BCO2: variants seen among roughly 807,000 people sequenced by gnomAD.
BCO2 encodes the protein carotenoid-cleaving dioxygenase, mitochondrial.
Under a neutral mutation model 65.8 loss-of-function variants are expected in BCO2, and 56 were observed. That is an observed-to-expected ratio of 0.85 (90% CI 0.69 to 1.06). The LOEUF (loss-of-function observed/expected upper bound fraction) is 1.06. BCO2 is among the 50% of genes least tolerant of loss of function. The pLI, the probability that BCO2 is intolerant of heterozygous loss-of-function variation, is 0.00. For missense variants in BCO2, 675 were observed against 698.5 expected (o/e 0.97, Z 0.38); for synonymous variants, 233 against 242.3 (o/e 0.96, Z 0.36).
chr11:112,202,100 T>A lies in BCO2; in HGVS notation c.1104T>A (p.Val368=). Reference sequence around the variant, plus strand: ...ATGCCTTTGAGGACCAGGGCTGTGTTATAATTGATTTGTGCTGTCAAGATA... The same window carrying A: ...ATGCCTTTGAGGACCAGGGCTGTGTAATAATTGATTTGTGCTGTCAAGATA... ...QINAFEDQGC[V]IIDLCCQDNG... The change falls in exon 8 of 12, where the codon GTT becomes GTA. Residue 368 remains valine (V), a synonymous_variant. Coordinates refer to ENST00000357685, the MANE Select transcript of BCO2 (RefSeq NM_031938.7). The A allele has an allele frequency of 6.2e-7, 1 of 1,614,080 alleles. No individual in the cohort carries two copies. Among genetic ancestry groups the A allele is most frequent in the South Asian group, 1.1e-5 (1 of 91,068 alleles).
chr11:112,200,816 CA>C (rs774395900), intron 7 of BCO2, 43 bp downstream of exon 7: 1 of 1,590,384 alleles, frequency 6.3e-7, no homozygotes, highest in Non-Finnish European at 8.5e-7. Flanking sequence ...TTGTTGGAAA[CA>C]AAGGCAAATT....
In BCO2 at chr11:112,213,657, C is replaced by A. The variant is rs1056388135; in HGVS notation, c.1195-67C>A. 4.8e-6 allele frequency: 7 copies of A among 1,450,220 alleles called. No homozygotes were observed. In the African/African-American group the frequency reaches 8.4e-5, roughly 17 times the overall value. The allele number at this position is 1,450,220 out of a possible 1,614,324, so 89.8% of individuals were successfully genotyped here. On this transcript the variant is annotated intron_variant, in intron 8 of 11. Transcript: ENST00000357685. Reference sequence around the variant, plus strand: ...GGAATGCCAATGATGTTGACTGGATCTAAATTATTGGGACATACTGTTACC... The same window carrying A: ...GGAATGCCAATGATGTTGACTGGATATAAATTATTGGGACATACTGTTACC...
intron 2 of BCO2, chr11:112,181,625 C>T: frequency 1.3e-6 from 1 of 787,104 alleles, no homozygotes; most frequent in Non-Finnish European, 2.3e-6. Context: ...TCATTGAACA[C>T]CTAAAAGTGG....
At chr11:112,201,201 G>A (rs7948808) in intron 7 of BCO2, among the ~76,000 whole-genome samples, 19,485 of 151,586 alleles carry the variant, frequency 0.13, 1,457 homozygotes, top group East Asian at 0.39. Flanking sequence ...AGGCTGGAGT[G>A]CAGTGGGGAG....
intron 4 of BCO2, chr11:112,194,405 T>C: frequency 2.2e-6 from 1 of 452,838 alleles, no homozygotes. Flanking sequence ...TGAATTTTCC[T>C]GTGATATTAG....
chr11:112,182,006 GA>G (rs35381587), intron 2 of BCO2: 84,812 of 404,374 alleles, frequency 0.21, 11,223 homozygotes, highest in Non-Finnish European at 0.27. Context: ...AAATTTACAA[GA>G]AAAAAATCAA....
At chr11:112,201,157 AT>A (rs35679954) in intron 7 of BCO2, among the ~76,000 whole-genome samples, 34,204 of 147,926 alleles carry the variant, frequency 0.23, 3,998 homozygotes, top group Middle Eastern at 0.28. Flanking sequence ...TTTTTTTGAG[AT>A]TTTTTTTTTA....
intron 1 of BCO2, chr11:112,175,919 T>G (rs1177802917): frequency 1.4e-5 from 6 of 419,562 alleles, no homozygotes; most frequent in Non-Finnish European, 2.6e-5. Flanking sequence ...TTATGCAATA[T>G]TTAAGGCAGG....
chr11:112,189,177 T>C lies in BCO2; in HGVS notation c.294-4297T>C, dbSNP rs189082107. On this transcript the variant is annotated intron_variant, in intron 2 of 11. Transcript: ENST00000357685. ...AGCCTTGATAAAATGGATAATTCTA[T>C]AGGGAAAGCAGATTACCAAAATTGA... Among the ~76,000 whole-genome samples the C allele has an allele frequency of 8.5e-5, 13 of 152,162 alleles. 1 individual carries two copies. Among genetic ancestry groups the C allele is most frequent in the Admixed American group, 8.5e-4 (13 of 15,266 alleles).
chr11:112,190,317 A>G (rs1867336829), intron 2 of BCO2, among the ~76,000 whole-genome samples: 1 of 152,184 alleles, frequency 6.6e-6, no homozygotes, highest in Non-Finnish European at 1.5e-5. Context: ...TAATACTAAT[A>G]TAACACTAAT....
At position 112,213,826 on chromosome 11, in the gene BCO2, A is replaced by T. The variant is rs1859580559; in HGVS notation, c.1297A>T (p.Thr433Ser). The change falls in exon 9 of 12, where the codon ACT becomes TCT. Residue 433 changes from threonine (T) to serine (S), a missense_variant. Physicochemically the swap from Thr to Ser is moderately conservative, Grantham distance 58 (BLOSUM62 1). Transcript: ENST00000357685. ...AGACAACCTGAGTCCATTGTCCTAT[A>T]CTTCAGCCAGTGCTGTGAAACAGGC... is the stretch of plus-strand genomic sequence containing the variant. ...EGDNLSPLSY[T>S]SASAVKQADG... 2 of 1,598,148 alleles carry T rather than the reference A, an allele frequency of 1.3e-6. No individual in the cohort carries two copies. The highest frequency in any genetic ancestry group is 3.4e-5 in the Admixed American group (2 of 58,140).
At chr11:112,178,348 G>T (rs748127394) in intron 1 of BCO2, among the ~76,000 whole-genome samples, 1 of 152,118 alleles carries the variant, frequency 6.6e-6, no homozygotes, top group Non-Finnish European at 1.5e-5. Flanking sequence ...AGAATGTCTC[G>T]TGTGCTTCAA....
chr11:112,218,061 A>G lies in BCO2; in HGVS notation c.*187A>G, dbSNP rs1859738654. On this transcript the variant is annotated 3_prime_UTR_variant, in exon 12 of 12. Coordinates refer to ENST00000357685, the MANE Select transcript of BCO2 (RefSeq NM_031938.7). Reference sequence around the variant, plus strand: ...TGGGTTCGTTAGAAGTCCAAACCTCAGCAGCACACAATATACTCATGTAAC... The same window carrying G: ...TGGGTTCGTTAGAAGTCCAAACCTCGGCAGCACACAATATACTCATGTAAC... The G allele has an allele frequency of 3.7e-6, 2 of 535,792 alleles. No individual in the cohort carries two copies. The highest frequency in any genetic ancestry group is 6.9e-5 in the Admixed American group (2 of 29,060). 33.2% of individuals were successfully genotyped at this position (535,792 alleles called of 1,614,324 possible). A position where few individuals can be genotyped will look rare whatever the true frequency, so the allele number is the denominator to read the frequency against.
chr11:112,214,976 T>C (rs746415886), intron 10 of BCO2, 32 bp downstream of exon 10: 1 of 1,597,062 alleles, frequency 6.3e-7, no homozygotes, highest in South Asian at 1.1e-5. Context: ...TTTGAACTTT[T>C]CAGAGACCTG....
chr11:112,181,093 A>C, intron 2 of BCO2: 1 of 1,498,432 alleles, frequency 6.7e-7, no homozygotes, highest in African/African-American at 1.4e-5. Context: ...GGAGCACTTT[A>C]GTGAATAAAG....
At chr11:112,185,589 T>C (rs1379819153) in intron 2 of BCO2, among the ~76,000 whole-genome samples, 1 of 152,222 alleles carries the variant, frequency 6.6e-6, no homozygotes, top group Non-Finnish European at 1.5e-5. Context: ...TCCTCGCTAT[T>C]TCTACGGATT....
intron 9 of BCO2, 152 bp downstream of exon 9, chr11:112,214,013 G>A (rs984547816): frequency 1.7e-6 from 1 of 594,766 alleles, no homozygotes; most frequent in Non-Finnish European, 2.7e-6. Flanking sequence ...CACAAGAATT[G>A]CAGAAACAGT....
intron 8 of BCO2, among the ~76,000 whole-genome samples, chr11:112,205,322 T>C (rs1440388753): frequency 6.6e-6 from 1 of 152,244 alleles, no homozygotes; most frequent in Non-Finnish European, 1.5e-5. Context: ...ATTTGTTATC[T>C]CTTGTCTTTT....
chr11:112,182,778 A>G, intron 2 of BCO2: 2 of 606,924 alleles, frequency 3.3e-6, no homozygotes, highest in Non-Finnish European at 5.8e-6. Flanking sequence ...GGTGCAGCAC[A>G]CCAACATGGC....
Sources: allele counts gnomAD v4.1 joint callset (sites outside exome capture counted in the v4.1 genomes callset), GRCh38; gene constraint gnomAD v4.1.1; transcripts MANE v1.5; gene names NCBI Gene and HGNC (gene_info 2026-07-23, HGNC 2026-07-21).